Variants in ARAP2 observed in about 807,000 individuals in gnomAD.
ARAP2 encodes the protein ArfGAP with RhoGAP domain, ankyrin repeat and PH domain 2, also known as arf-GAP with Rho-GAP domain, ANK repeat and PH domain-containing protein 2.
Under a neutral mutation model 194.5 loss-of-function variants are expected in ARAP2, and 148 were observed. The observed-to-expected ratio is 0.76, with a 90% CI of 0.67 to 0.87. The LOEUF is 0.87. ARAP2 is among the 40% of genes least tolerant of loss of function. ARAP2 has a pLI of 0.00. For missense variants in ARAP2, 2,128 were observed against 1,989.7 expected (o/e 1.07, Z -1.32); for synonymous variants, 695 against 683.5 (o/e 1.02, Z -0.26).
intron 5 of ARAP2, among the ~76,000 whole-genome samples, chr4:36,042,504 G>A (rs1028079560): frequency 6.6e-6 from 1 of 152,136 alleles, no homozygotes; most frequent in African/African-American, 2.4e-5. Context: ...AGTATACCTT[G>A]CTCTCTTGTG....
intron 26 of ARAP2, among the ~76,000 whole-genome samples, chr4:36,110,526 A>G (rs528917288): frequency 6.6e-6 from 1 of 151,952 alleles, no homozygotes; most frequent in South Asian, 2.1e-4. Context: ...AAAGGGGTCT[A>G]CATTGGCAGA....
intron 2 of ARAP2, among the ~76,000 whole-genome samples, chr4:36,223,201 T>C (rs1749537415): frequency 6.6e-6 from 1 of 152,168 alleles, no homozygotes; most frequent in Non-Finnish European, 1.5e-5. Context: ...AATAAAGCTT[T>C]ATTTTAGTAA....
chr4:36,073,869 T>C, intron 31 of ARAP2, 46 bp from the exon 32 acceptor site: 1 of 1,601,788 alleles, frequency 6.2e-7, no homozygotes, highest in Non-Finnish European at 8.5e-7. Flanking sequence ...TTTTATTATG[T>C]GGTATACTAT....
At chr4:36,205,756 T>C (rs909714512) in intron 6 of ARAP2, among the ~76,000 whole-genome samples, 1 of 152,206 alleles carries the variant, frequency 6.6e-6, no homozygotes, top group Admixed American at 6.5e-5. Context: ...ACACAGCAAA[T>C]GAATGATGTC....
chr4:36,089,457 G>A (rs1462738676), intron 28 of ARAP2, among the ~76,000 whole-genome samples: 1 of 152,034 alleles, frequency 6.6e-6, no homozygotes, highest in Non-Finnish European at 1.5e-5. Flanking sequence ...CTTGAGTAGA[G>A]CCACTGGATC....
At chr4:36,170,681 T>C (rs1342400655) in intron 9 of ARAP2, among the ~76,000 whole-genome samples, 2 of 152,198 alleles carry the variant, frequency 1.3e-5, no homozygotes, top group African/African-American at 4.8e-5. Flanking sequence ...AATATCTATC[T>C]GTGCATGCTA....
intron 13 of ARAP2, chr4:36,160,236 T>C: frequency 8.9e-7 from 1 of 1,128,068 alleles, no homozygotes; most frequent in East Asian, 6.5e-5. Flanking sequence ...GCAACAAGAG[T>C]TAGCAGGAAA....
intron 31 of ARAP2, among the ~76,000 whole-genome samples, chr4:36,074,038 C>G (rs958324117): frequency 7.2e-5 from 11 of 152,042 alleles, no homozygotes; most frequent in South Asian, 2.1e-4. Flanking sequence ...AGCTCAATTT[C>G]TAAGTTTCAA....
At chr4:36,170,876 G>C (rs1736453015) in intron 9 of ARAP2, among the ~76,000 whole-genome samples, 1 of 151,950 alleles carries the variant, frequency 6.6e-6, no homozygotes, top group Non-Finnish European at 1.5e-5. Context: ...CATAAGACTG[G>C]GTATCTGCCT....
chr4:36,215,258 T>G (rs1387984843), intron 2 of ARAP2, among the ~76,000 whole-genome samples: 1 of 152,188 alleles, frequency 6.6e-6, no homozygotes. Context: ...TCAATGGAAT[T>G]GAATAGAAAG....
At position 36,210,511 on chromosome 4, in the gene ARAP2, T is replaced by C; in HGVS notation, c.1366A>G (p.Thr456Ala). 4 of 1,613,954 alleles carry C rather than the reference T, an allele frequency of 2.5e-6. No homozygotes were observed. Among genetic ancestry groups the C allele is most frequent in the Non-Finnish European group, 3.4e-6 (4 of 1,179,858 alleles). Residue 456 changes from threonine to alanine, a missense_variant, in exon 6 of 33, where the codon ACA becomes GCA. Physicochemically the swap from Thr to Ala is moderately conservative, Grantham distance 58. Transcript: ENST00000303965. The part of the protein sequence containing the change: ...VNRHSYPLSS[T>A]SGNADSSAVS... ...GCTGATGAATCAGCATTTCCACTTG[T>C]TGAGCTTAACGGATAACTGTGCCTA...
chr4:36,229,577 T>A lies in ARAP2; in HGVS notation c.-91A>T. ...TGTACTTCTCTACTGGCTTTTCCTC[T>A]ATCAATTGTGACAGAAAAGTTTCTT... On this transcript the variant is annotated 5_prime_UTR_variant, in exon 2 of 33. Transcript: ENST00000303965. 9.9e-7 allele frequency: 1 copy of A among 1,006,460 alleles called. No individual in the cohort carries two copies. The highest frequency in any genetic ancestry group is 2.1e-5 in the South Asian group (1 of 46,570). The allele number at this position is 1,006,460 out of a possible 1,614,324, so 62.3% of individuals were successfully genotyped here. A position where few individuals can be genotyped will look rare whatever the true frequency, so the allele number is the denominator to read the frequency against.
chr4:36,142,186 C>T (rs1728507016), intron 19 of ARAP2, among the ~76,000 whole-genome samples: 1 of 151,678 alleles, frequency 6.6e-6, no homozygotes, highest in South Asian at 2.1e-4. Flanking sequence ...CTCTCAACAT[C>T]CCACTACCAC....
chr4:36,238,793 A>G (rs934650029), intron 1 of ARAP2, among the ~76,000 whole-genome samples: 1 of 152,212 alleles, frequency 6.6e-6, no homozygotes, highest in African/African-American at 2.4e-5. Context: ...ATTAAAATTT[A>G]TTTTGCATCT....
intron 1 of ARAP2, among the ~76,000 whole-genome samples, chr4:36,058,551 CT>C (rs1270100349): frequency 1.3e-5 from 2 of 152,260 alleles, no homozygotes; most frequent in South Asian, 2.1e-4. Context: ...CTGGCCACCC[CT>C]ATTCCTCATT....
chr4:36,095,158 C>T (rs558762933), intron 27 of ARAP2, among the ~76,000 whole-genome samples: 1 of 152,226 alleles, frequency 6.6e-6, no homozygotes, highest in South Asian at 2.1e-4. Context: ...CACAATTTTC[C>T]GCCCATGGCC....
At chr4:36,051,352 G>A (rs565007406) in intron 3 of ARAP2, among the ~76,000 whole-genome samples, 6 of 151,992 alleles carry the variant, frequency 3.9e-5, no homozygotes, top group South Asian at 2.1e-4. Context: ...GGTGGCGGGC[G>A]CCTGTTGCCA....
intron 9 of ARAP2, among the ~76,000 whole-genome samples, chr4:36,170,879 A>G (rs1417820875): frequency 6.6e-6 from 1 of 152,108 alleles, no homozygotes; most frequent in African/African-American, 2.4e-5. Context: ...AAGACTGGGT[A>G]TCTGCCTTGA....
chr4:36,230,436 T>C (rs953342775), intron 1 of ARAP2, among the ~76,000 whole-genome samples: 8 of 152,222 alleles, frequency 5.3e-5, no homozygotes, highest in African/African-American at 1.9e-4. Context: ...ATGTAAACAA[T>C]AGTGATATAC....
Sources: gnomAD v4.1 joint callset for allele counts (sites outside exome capture counted in the v4.1 genomes callset) on GRCh38, gnomAD v4.1.1 for gene constraint, MANE v1.5 for transcripts, NCBI Gene and HGNC (gene_info 2026-07-23, HGNC 2026-07-21) for gene names.